BRWD1: variants seen among roughly 807,000 people sequenced by gnomAD.
BRWD1 encodes bromodomain and WD repeat domain containing 1, also known as bromodomain and WD repeat-containing protein 1.
Under a neutral mutation model 251.2 loss-of-function variants are expected in BRWD1, and 82 were observed. The observed-to-expected ratio is 0.33, with a 90% CI of 0.27 to 0.39. BRWD1 has a LOEUF of 0.39. Among genes scored for constraint, BRWD1 ranks in the 10% least tolerant of loss-of-function variants. The pLI, the probability that BRWD1 is intolerant of heterozygous loss-of-function variation, is 1.00. For missense variants in BRWD1, 2,233 were observed against 2,711.6 expected (o/e 0.82, Z 3.92); for synonymous variants, 918 against 902.8 (o/e 1.02, Z -0.30).
intron 8 of BRWD1, among the ~76,000 whole-genome samples, chr21:39,285,133 C>G (rs1404703407): frequency 6.6e-6 from 1 of 152,110 alleles, no homozygotes; most frequent in Non-Finnish European, 1.5e-5. Flanking sequence ...TACACACACA[C>G]AAAATGGAAC....
chr21:39,187,382 C>G lies in BRWD1; in HGVS notation c.*8877G>C, dbSNP rs934817244. On this transcript the variant is annotated 3_prime_UTR_variant, in exon 41 of 41. Transcript: ENST00000342449. ...TTCTGATTATGCATACATGTTCTCACTTTTGTATTGGGTTCTCTGTCTCTA... is the reference window on the plus strand; with the variant it reads ...TTCTGATTATGCATACATGTTCTCAGTTTTGTATTGGGTTCTCTGTCTCTA... The G allele has an allele frequency of 6.3e-7, 1 of 1,596,526 alleles. No individual in the cohort carries two copies. The highest frequency in any genetic ancestry group is 8.5e-7 in the Non-Finnish European group (1 of 1,172,960).
chr21:39,226,816 T>C (rs897394321), intron 27 of BRWD1, among the ~76,000 whole-genome samples: 3 of 152,162 alleles, frequency 2.0e-5, no homozygotes, highest in Non-Finnish European at 2.9e-5. Flanking sequence ...TACCTTCTTG[T>C]AGTACCACAC....
At position 39,247,754 on chromosome 21, in the gene BRWD1, G is replaced by T. The variant is rs140156148; in HGVS notation, c.2428C>A (p.Arg810Ser). 2.0e-4 allele frequency: 326 copies of T among 1,613,372 alleles called. 1 individual carries two copies. Among genetic ancestry groups the T allele is most frequent in the Middle Eastern group, 1.5e-3 (9 of 6,074 alleles). Reference sequence around the variant, plus strand: ...CCAGAAGATAACTCACGCCAGCTACGATTTCTTCTACCATAATTTGGATAT... The same window carrying T: ...CCAGAAGATAACTCACGCCAGCTACTATTTCTTCTACCATAATTTGGATAT... ...RKYPNYGRRN[R>S]SWRELSSGNE... Residue 810 changes from arginine to serine, a missense_variant, in exon 21 of 41, where the codon CGT (arginine) becomes AGT (serine). Coordinates refer to ENST00000342449, the MANE Select transcript of BRWD1 (RefSeq NM_033656.4).
chr21:39,256,135 T>C (rs752410630), intron 18 of BRWD1, among the ~76,000 whole-genome samples: 1 of 152,326 alleles, frequency 6.6e-6, no homozygotes, highest in Middle Eastern at 3.4e-3. Context: ...AATCTTAACA[T>C]GACTAAGATC....
intron 20 of BRWD1, among the ~76,000 whole-genome samples, chr21:39,250,467 T>C (rs1185226749): frequency 6.6e-6 from 1 of 151,052 alleles, no homozygotes; most frequent in Non-Finnish European, 1.5e-5. Context: ...TCCAAGTAAT[T>C]AAAACAATGA....
chr21:39,188,868 A>G lies in BRWD1; in HGVS notation c.*7391T>C. 1.0e-6 allele frequency: 1 copy of G among 985,416 alleles called. No homozygotes were observed. Among genetic ancestry groups the G allele is most frequent in the Non-Finnish European group, 1.2e-6 (1 of 829,922 alleles). 61.0% of individuals were successfully genotyped at this position (985,416 alleles called of 1,614,324 possible). ...ATTCTAAGGGCACTATGTTTTGTTC[A>G]GTGTTCAGTCTCCAGGCATTGTAAA... On this transcript the variant is annotated 3_prime_UTR_variant, in exon 41 of 41. Transcript: ENST00000342449.
chr21:39,315,319 A>G (rs115252782), upstream of BRWD1, among the ~76,000 whole-genome samples: 2,169 of 151,948 alleles, frequency 0.014, 49 homozygotes, highest in African/African-American at 0.049. Flanking sequence ...GCTTTTATAT[A>G]TATTTATAAA....
chr21:39,313,380 G>GAGCCGGGGAAGCCGAAGC, intron 1 of BRWD1, 63 bp downstream of exon 1: 1 of 1,484,012 alleles, frequency 6.7e-7, no homozygotes, highest in Non-Finnish European at 9.0e-7. Context: ...GGAGCCCGGG[G>GAGCCGGGGAAGCCGAAGC]AGCCGGGGAA....
intron 8 of BRWD1, among the ~76,000 whole-genome samples, chr21:39,292,228 T>C (rs1220224808): frequency 6.6e-6 from 1 of 151,284 alleles, no homozygotes; most frequent in East Asian, 2.0e-4. Flanking sequence ...GCTGGGATTA[T>C]AGGCATGAGC....
At position 39,278,863 on chromosome 21, in the gene BRWD1, A is replaced by T. The variant is rs901795133; in HGVS notation, c.933-50T>A. 3.0e-6 allele frequency: 4 copies of T among 1,345,198 alleles called. No individual in the cohort carries two copies. The African/African-American group carries it at 6.0e-5, about 20-fold the overall frequency. The allele number at this position is 1,345,198 out of a possible 1,614,324, so 83.3% of individuals were successfully genotyped here. On this transcript the variant is annotated intron_variant, in intron 9 of 40. Transcript: ENST00000342449. ...TAAAATAGATTATTTTACCACATTA[A>T]CACAGCTTAAAATATTAGTTTTAAT...
chr21:39,295,422 C>T (rs985156204), intron 7 of BRWD1, among the ~76,000 whole-genome samples: 3 of 151,948 alleles, frequency 2.0e-5, no homozygotes, highest in Admixed American at 6.6e-5. Flanking sequence ...CTCCTGACCT[C>T]GTGATCCGCC....
chr21:39,237,334 T>A (rs1336469719), intron 22 of BRWD1, among the ~76,000 whole-genome samples: 1 of 152,130 alleles, frequency 6.6e-6, no homozygotes, highest in Non-Finnish European at 1.5e-5. Flanking sequence ...CTAGTCCTAG[T>A]CCTTAGCAAA....
chr21:39,307,453 GTA>G (rs138768218), intron 4 of BRWD1, among the ~76,000 whole-genome samples: 2,833 of 152,122 alleles, frequency 0.019, 59 homozygotes, highest in African/African-American at 0.054. Context: ...TATATTTTAT[GTA>G]TATATGTTTG....
chr21:39,226,969 T>A (rs553335046), intron 27 of BRWD1, among the ~76,000 whole-genome samples: 3 of 151,804 alleles, frequency 2.0e-5, no homozygotes, highest in South Asian at 2.1e-4. Flanking sequence ...ACAAAAAAAA[T>A]TAAAAATTAG....
At chr21:39,242,109 A>C (rs2034025406) in intron 21 of BRWD1, among the ~76,000 whole-genome samples, 1 of 152,248 alleles carries the variant, frequency 6.6e-6, no homozygotes, top group African/African-American at 2.4e-5. Context: ...GAAATGATTA[A>C]GCTTAGTAAG....
chr21:39,264,818 C>T lies in BRWD1; in HGVS notation c.1659+73G>A. 3.8e-6 allele frequency: 6 copies of T among 1,563,912 alleles called. No homozygotes were observed. In the South Asian group the frequency reaches 4.7e-5, roughly 12 times the overall value. On this transcript the variant is annotated intron_variant, in intron 16 of 40. Transcript: ENST00000342449. The stretch of plus-strand genomic sequence containing the variant: ...CAGCTAAACTGTTTCCAAAACATAG[C>T]TCATAACTACTTATTTCCAAAACAC...
At chr21:39,213,348 A>G in intron 33 of BRWD1, 133 bp downstream of exon 33, 1 of 757,030 alleles carries the variant, frequency 1.3e-6, no homozygotes, top group Non-Finnish European at 2.2e-6. Flanking sequence ...ATTCAAAAAT[A>G]TAATTTTATC....
rs373711206 is a variant in BRWD1, at chr21:39,187,369, A to G, written c.*8890T>C. ...CTGCACTGCATCCTTCTGATTATGCATACATGTTCTCACTTTTGTATTGGG... is the reference window on the plus strand; with the variant it reads ...CTGCACTGCATCCTTCTGATTATGCGTACATGTTCTCACTTTTGTATTGGG... On this transcript the variant is annotated 3_prime_UTR_variant, in exon 41 of 41. Transcript: ENST00000342449. The G allele has an allele frequency of 3.2e-5, 51 of 1,606,438 alleles. No individual in the cohort carries two copies. Among genetic ancestry groups the G allele is most frequent in the Non-Finnish European group, 3.8e-5 (45 of 1,177,808 alleles).
intron 29 of BRWD1, among the ~76,000 whole-genome samples, chr21:39,222,508 A>C (rs1050641456): frequency 1.3e-5 from 2 of 152,230 alleles, no homozygotes; most frequent in African/African-American, 4.8e-5. Context: ...GATTCAAAAG[A>C]AAATGTCAAA....
Sources: gnomAD v4.1 joint callset for allele counts (sites outside exome capture counted in the v4.1 genomes callset) on GRCh38, gnomAD v4.1.1 for gene constraint, MANE v1.5 for transcripts, NCBI Gene and HGNC (gene_info 2026-07-23, HGNC 2026-07-21) for gene names.